XKR6: variants seen among roughly 807,000 people sequenced by gnomAD.
XKR6 encodes the protein XK-related protein 6.
In XKR6, 22 loss-of-function variants were observed where a neutral mutation model predicts 56.7. The ratio of observed to expected loss-of-function variants is 0.39; its 90% CI spans 0.28 to 0.55. The LOEUF (loss-of-function observed/expected upper bound fraction) is 0.55, where lower values mean the gene tolerates loss of function less well. Among genes scored for constraint, XKR6 ranks in the 20% least tolerant of loss-of-function variants. XKR6 has a pLI of 0.66. For synonymous variants in XKR6, 524 were observed against 387.8 expected (o/e 1.35, Z -4.13); for missense variants, 852 against 889.0 (o/e 0.96, Z 0.53).
intron 1 of XKR6, among the ~76,000 whole-genome samples, chr8:11,033,439 A>T (rs1444210851): frequency 6.6e-6 from 1 of 151,682 alleles, no homozygotes; most frequent in Non-Finnish European, 1.5e-5. Context: ...GGTGATGATG[A>T]TGGTCGTAAT....
chr8:10,897,811 TAG>T lies in XKR6; in HGVS notation c.*139_*140del. On this transcript the variant is annotated 3_prime_UTR_variant, in exon 3 of 3. Coordinates refer to ENST00000416569, the MANE Select transcript of XKR6 (RefSeq NM_173683.4). ...TGACTTATTAATTCTTTTTTTTTTG[TAG>T]TGGTGGTGTTGGTGTGGCGGTGTTG... 1 of 1,022,894 alleles carries T rather than the reference TAG, an allele frequency of 9.8e-7. No homozygotes were observed. The highest frequency in any genetic ancestry group is 1.4e-6 in the Non-Finnish European group (1 of 733,172). The allele number at this position is 1,022,894 out of a possible 1,614,324, so 63.4% of individuals were successfully genotyped here. A position where few individuals can be genotyped will look rare whatever the true frequency, so the allele number is the denominator to read the frequency against.
chr8:10,927,875 G>A (rs1481366940), intron 1 of XKR6, among the ~76,000 whole-genome samples: 2 of 152,136 alleles, frequency 1.3e-5, no homozygotes, highest in African/African-American at 2.4e-5. Context: ...CTAGAGTCCA[G>A]GCAAAACCGT....
intron 1 of XKR6, among the ~76,000 whole-genome samples, chr8:10,952,977 G>C (rs2129127618): frequency 6.6e-6 from 1 of 152,220 alleles, no homozygotes; most frequent in South Asian, 2.1e-4. Context: ...AGGGATCTAG[G>C]CTGCGCGCTC....
chr8:10,992,495 T>C (rs1586403019), intron 1 of XKR6, among the ~76,000 whole-genome samples: 1 of 152,192 alleles, frequency 6.6e-6, no homozygotes, highest in African/African-American at 2.4e-5. Context: ...ACAAGGTCTC[T>C]ATTCCTTCAG....
intron 1 of XKR6, among the ~76,000 whole-genome samples, chr8:10,972,195 C>G (rs970222630): frequency 4.6e-5 from 7 of 152,138 alleles, no homozygotes; most frequent in Non-Finnish European, 1.0e-4. Flanking sequence ...TTATTTGACT[C>G]TAGGTTCTAT....
chr8:11,099,095 C>G (rs944346613), intron 1 of XKR6, among the ~76,000 whole-genome samples: 2 of 152,176 alleles, frequency 1.3e-5, no homozygotes, highest in African/African-American at 2.4e-5. Flanking sequence ...CCTCCTCTGT[C>G]CAAAAAGCAG....
chr8:11,109,546 T>G (rs1178029361), intron 1 of XKR6: 2 of 152,260 alleles, frequency 1.3e-5, no homozygotes, highest in Non-Finnish European at 2.9e-5. Context: ...AGACCCGGCA[T>G]GGACCATCTC....
intron 1 of XKR6, among the ~76,000 whole-genome samples, chr8:11,073,609 C>T (rs993895760): frequency 6.6e-6 from 1 of 152,160 alleles, no homozygotes; most frequent in African/African-American, 2.4e-5. Flanking sequence ...GAAAATCAAT[C>T]CCAAAGCCAG....
At chr8:11,077,337 C>T (rs192081273) in intron 1 of XKR6, among the ~76,000 whole-genome samples, 13 of 152,278 alleles carry the variant, frequency 8.5e-5, no homozygotes, top group Admixed American at 5.2e-4. Context: ...AAAGTGTGGA[C>T]ACTCATGGCC....
intron 1 of XKR6, among the ~76,000 whole-genome samples, chr8:10,938,605 T>C (rs1050707033): frequency 2.0e-5 from 3 of 152,240 alleles, no homozygotes; most frequent in Non-Finnish European, 4.4e-5. Context: ...GTCTCGATAG[T>C]TATATACAGT....
At chr8:11,004,476 A>AAAATAAAT (rs59808833) in intron 1 of XKR6, among the ~76,000 whole-genome samples, 35 of 150,642 alleles carry the variant, frequency 2.3e-4, no homozygotes, top group African/African-American at 6.4e-4. Context: ...GTCCATCTCA[A>AAAATAAAT]AAATAAATAA....
Position 10,898,758 on chromosome 8 carries a change from A to G in XKR6, c.1120T>C (p.Ser374Pro). The G allele has an allele frequency of 6.2e-7, 1 of 1,614,166 alleles. No individual in the cohort carries two copies. Among genetic ancestry groups the G allele is most frequent in the Non-Finnish European group, 8.5e-7 (1 of 1,180,036 alleles). The change falls in exon 3 of 3, where the codon TCT becomes CCT. Residue 374 changes from serine to proline, a missense_variant. Physicochemically the swap from Ser to Pro is moderately conservative, Grantham distance 74. This residue lies in a region of XKR6 where 199 missense variants were observed against 280.4 expected (regional missense o/e 0.71). Coordinates refer to ENST00000416569, the MANE Select transcript of XKR6 (RefSeq NM_173683.4). The surrounding 1 kb of genome is among the most constrained non-coding windows in gnomAD (Gnocchi z 6.6). The part of the protein sequence containing the change: ...RLFTISSRVI[S>P]FALFASIFQL... ...AAGATGGAAGCAAAGAGGGCAAAAG[A>G]GATCACTCGGGATGAGATGGTGAAG...
intron 1 of XKR6, among the ~76,000 whole-genome samples, chr8:11,061,826 C>T (rs1172961036): frequency 1.3e-5 from 2 of 152,266 alleles, no homozygotes; most frequent in Admixed American, 6.5e-5. Context: ...GGGCAGCCAT[C>T]GGTGATGGGG....
chr8:11,026,124 C>A (rs1391609057), intron 1 of XKR6, among the ~76,000 whole-genome samples: 6 of 152,172 alleles, frequency 3.9e-5, no homozygotes, highest in Admixed American at 3.9e-4. Context: ...GTGAGTTACA[C>A]ATGCCTAGAT....
At chr8:11,180,507 G>A (rs1392546240) in intron 1 of XKR6, among the ~76,000 whole-genome samples, 1 of 152,226 alleles carries the variant, frequency 6.6e-6, no homozygotes, top group African/African-American at 2.4e-5. Flanking sequence ...CAAGGGTGGG[G>A]GAAGCAAAAT....
At chr8:10,928,888 T>G (rs754415718) in intron 1 of XKR6, among the ~76,000 whole-genome samples, 30 of 152,234 alleles carry the variant, frequency 2.0e-4, no homozygotes, top group Non-Finnish European at 3.8e-4. Flanking sequence ...GCTCCCAAAG[T>G]CGGTGTCACC....
At chr8:11,039,266 G>T (rs1392629660) in intron 1 of XKR6, among the ~76,000 whole-genome samples, 1 of 152,208 alleles carries the variant, frequency 6.6e-6, no homozygotes, top group African/African-American at 2.4e-5. Flanking sequence ...CAGAAAAGAG[G>T]GAGACTGCAG....
chr8:11,137,455 C>A, intron 1 of XKR6: 1 of 417,090 alleles, frequency 2.4e-6, no homozygotes, highest in Admixed American at 2.7e-5. Flanking sequence ...TCCCTTACAT[C>A]TTCAGCCGAC....
At position 10,896,200 on chromosome 8, in the gene XKR6, A is replaced by G. The variant is rs1799875697; in HGVS notation, c.*1752T>C. ...CGATTGAAACGATGCCCTAGAACAG[A>G]AATATTCTTTAAAGGAACAATACTT... On this transcript the variant is annotated 3_prime_UTR_variant, in exon 3 of 3. Transcript: ENST00000416569. 1 of 152,004 alleles carries G rather than the reference A, an allele frequency of 6.6e-6. No individual in the cohort carries two copies. The highest frequency in any genetic ancestry group is 2.1e-4 in the South Asian group (1 of 4,830). The allele number at this position is 152,004 out of a possible 1,614,324, so 9.4% of individuals were successfully genotyped here. A position where few individuals can be genotyped will look rare whatever the true frequency, so the allele number is the denominator to read the frequency against.
Sources: gnomAD v4.1 joint callset for allele counts (sites outside exome capture counted in the v4.1 genomes callset) on GRCh38, gnomAD v4.1.1 for gene constraint, gnomAD v4.1.1 regional missense constraint, Gnocchi (gnomAD v3.1) non-coding constraint, MANE v1.5 for transcripts, NCBI Gene and HGNC (gene_info 2026-07-23, HGNC 2026-07-21) for gene names.